ZNF514: variants seen among roughly 807,000 people sequenced by gnomAD.
ZNF514 encodes zinc finger protein 514.
A neutral mutation model predicts 9.7 loss-of-function variants in ZNF514; 12 were observed. That is an observed-to-expected ratio of 1.24 (90% CI 0.79 to 2.01). The LOEUF (loss-of-function observed/expected upper bound fraction) is 2.01. ZNF514 is among the 30% of genes most tolerant of loss of function. The probability of loss-of-function intolerance (pLI) is 0.00; values close to 1 mark genes in which losing one functional copy is unlikely to be tolerated. For missense variants in ZNF514, 467 were observed against 465.5 expected, an observed-to-expected ratio of 1.00 and a Z score of -0.03; for synonymous variants, 158 against 163.7, an observed-to-expected ratio of 0.97 and a Z score of 0.27.
In ZNF514 at chr2:95,148,713, A is replaced by C. The variant is rs1033299475; in HGVS notation, c.*569T>G. 3 of 153,318 alleles carry C rather than the reference A, an allele frequency of 2.0e-5. No homozygotes were observed. Among genetic ancestry groups the C allele is most frequent in the Non-Finnish European group, 2.9e-5 (2 of 68,890 alleles). 9.5% of individuals were successfully genotyped at this position (153,318 alleles called of 1,614,324 possible). A position where few individuals can be genotyped will look rare whatever the true frequency, so the allele number is the denominator to read the frequency against. On this transcript the variant is annotated 3_prime_UTR_variant, in exon 5 of 5. Transcript: ENST00000295208. Reference sequence around the variant, plus strand: ...GAGGTTTGGCTGAAGGCTCTCCCACATTACCCACATTCACAGGTTTTTCTC... The same window carrying C: ...GAGGTTTGGCTGAAGGCTCTCCCACCTTACCCACATTCACAGGTTTTTCTC...
At chr2:95,144,656 A>T (rs1673318182), downstream of ZNF514, among the ~76,000 whole-genome samples, 1 of 152,230 alleles carries the variant, frequency 6.6e-6, no homozygotes, top group Admixed American at 6.5e-5. Flanking sequence ...CATCAAAAAT[A>T]TAGTACTCTC....
chr2:95,157,509 C>T, intron 1 of ZNF514, 70 bp from the exon 2 acceptor site: 2 of 882,760 alleles, frequency 2.3e-6, no homozygotes, highest in Non-Finnish European at 3.2e-6. Flanking sequence ...ACTTCCCAAG[C>T]CTGAGACCCA....
intron 2 of ZNF514, among the ~76,000 whole-genome samples, chr2:95,156,228 C>G (rs1255441377): frequency 1.3e-5 from 2 of 152,216 alleles, no homozygotes; most frequent in African/African-American, 4.8e-5. Flanking sequence ...CCATGCCTAT[C>G]CTGGATGCTG....
chr2:95,132,867 C>CAAA, the ZNF514 span, among the ~76,000 whole-genome samples: 4 of 66,670 alleles, frequency 6.0e-5, no homozygotes, highest in Non-Finnish European at 8.2e-5. Flanking sequence ...GACTCCATCT[C>CAAA]AAAAAAAAAA....
In ZNF514 at chr2:95,149,949, T is replaced by C. The variant is rs1268270878; in HGVS notation, c.536A>G (p.Tyr179Cys). ...CTGCCTGAATTCTGTATCACATTTA[T>C]AAGATCCTTCTCCCATGAGAATGCT... The part of the protein sequence containing the change: ...QHSILMGEGS[Y>C]KCDTEFRQTL... The change falls in exon 5 of 5, where the codon TAT (tyrosine) becomes TGT (cysteine). Residue 179 changes from tyrosine to cysteine, a missense_variant. Coordinates refer to ENST00000295208, the MANE Select transcript of ZNF514 (RefSeq NM_032788.3). 1.2e-6 allele frequency: 2 copies of C among 1,614,252 alleles called. No homozygotes were observed. Among genetic ancestry groups the C allele is most frequent in the Non-Finnish European group, 1.7e-6 (2 of 1,180,044 alleles).
the ZNF514 span, among the ~76,000 whole-genome samples, chr2:95,131,291 A>G: frequency 1.3e-5 from 2 of 152,212 alleles, no homozygotes; most frequent in Non-Finnish European, 2.9e-5. Flanking sequence ...GCAATGCTCT[A>G]TATCAAAGGG....
Position 95,150,221 on chromosome 2 carries a change from T to G in ZNF514, c.264A>C (p.Gly88=). 1 of 1,598,878 alleles carries G rather than the reference T, an allele frequency of 6.3e-7. No homozygotes were observed. The highest frequency in any genetic ancestry group is 8.5e-7 in the Non-Finnish European group (1 of 1,175,946). ...SKSKESMPSW[G]ISKEELFQVV... Reference sequence around the variant, plus strand: ...CCTGGAATAATTCTTCTTTGGAAATTCCCCAACTTGGCATTGATTCCTTGG... The same window carrying G: ...CCTGGAATAATTCTTCTTTGGAAATGCCCCAACTTGGCATTGATTCCTTGG... The change falls in exon 5 of 5, where the codon GGA becomes GGC. Residue 88 remains glycine (G), a synonymous_variant. Transcript: ENST00000295208.
the ZNF514 span, among the ~76,000 whole-genome samples, chr2:95,130,506 C>A: frequency 6.6e-6 from 1 of 152,222 alleles, no homozygotes; most frequent in Admixed American, 6.5e-5. Context: ...TTGACCTCTG[C>A]AATCTCGACC....
At chr2:95,143,698 T>C (rs1262870931), downstream of ZNF514, among the ~76,000 whole-genome samples, 12 of 152,184 alleles carry the variant, frequency 7.9e-5, no homozygotes, top group Admixed American at 6.5e-4. Flanking sequence ...CTCTAGATCA[T>C]TGGAATTTCC....
chr2:95,123,682 G>A, the ZNF514 span, among the ~76,000 whole-genome samples: 4 of 152,158 alleles, frequency 2.6e-5, no homozygotes, highest in African/African-American at 7.2e-5. Flanking sequence ...CTCCAGTTCA[G>A]TTTCATATGT....
Position 95,149,960 on chromosome 2 carries a change from T to C in ZNF514, c.525A>G (p.Gly175=). Reference sequence around the variant, plus strand: ...CTGTATCACATTTATAAGATCCTTCTCCCATGAGAATGCTGTGTTGGTTAA... The same window carrying C: ...CTGTATCACATTTATAAGATCCTTCCCCCATGAGAATGCTGTGTTGGTTAA... ...VLVNQHSILM[G]EGSYKCDTEF... Residue 175 remains glycine (G), a synonymous_variant, in exon 5 of 5, where the codon GGA becomes GGG. Transcript: ENST00000295208. The C allele has an allele frequency of 5.0e-6, 8 of 1,614,244 alleles. No homozygotes were observed. Among genetic ancestry groups the C allele is most frequent in the Non-Finnish European group, 6.8e-6 (8 of 1,180,040 alleles).
At chr2:95,144,957 C>T (rs1673323278), downstream of ZNF514, among the ~76,000 whole-genome samples, 1 of 152,076 alleles carries the variant, frequency 6.6e-6, no homozygotes, top group South Asian at 2.1e-4. Flanking sequence ...TGGAACAGTG[C>T]TAATCTATAT....
rs943690199 is a variant in ZNF514 at position 95,149,901 on chromosome 2, T to C, written c.584A>G (p.Gln195Arg). The change falls in exon 5 of 5, where the codon CAG becomes CGG. Residue 195 changes from glutamine (Q) to arginine (R), a missense_variant. Coordinates refer to ENST00000295208, the MANE Select transcript of ZNF514 (RefSeq NM_032788.3). ...AGATTTCTTTTCTGGGTGGGTTCTC[T>C]GAGAGTTGTTTCCCCCTAAAGTCTG... The part of the protein sequence containing the change: ...FRQTLGGNNS[Q>R]RTHPEKKSCK... The C allele has an allele frequency of 6.8e-6, 11 of 1,614,262 alleles. No individual in the cohort carries two copies. The highest frequency in any genetic ancestry group is 9.3e-6 in the Non-Finnish European group (11 of 1,180,030).
rs1673438448 is a variant in ZNF514 at position 95,148,943 on chromosome 2, G to GT, written c.*338dup. 4 of 246,884 alleles carry GT rather than the reference G, an allele frequency of 1.6e-5. No homozygotes were observed. In the South Asian group the frequency reaches 4.4e-4, roughly 27 times the overall value. The allele number at this position is 246,884 out of a possible 1,614,324, so 15.3% of individuals were successfully genotyped here. On this transcript the variant is annotated 3_prime_UTR_variant, in exon 5 of 5. Coordinates refer to ENST00000295208, the MANE Select transcript of ZNF514 (RefSeq NM_032788.3). ...TCTGATTTTCTTAAAGAATCAGTAT[G>GT]TAACTGAAGGCTTGCCACACTCACT...
In ZNF514 at chr2:95,159,291, G is replaced by A. The variant is rs1673774721; in HGVS notation, c.-147C>T. 2 of 157,162 alleles carry A rather than the reference G, an allele frequency of 1.3e-5. No homozygotes were observed. Among genetic ancestry groups the A allele is most frequent in the Admixed American group, 6.4e-5 (1 of 15,504 alleles). 9.7% of individuals were successfully genotyped at this position (157,162 alleles called of 1,614,324 possible). A position where few individuals can be genotyped will look rare whatever the true frequency, so the allele number is the denominator to read the frequency against. On this transcript the variant is annotated 5_prime_UTR_variant, in exon 1 of 5. Coordinates refer to ENST00000295208, the MANE Select transcript of ZNF514 (RefSeq NM_032788.3). ...AGGCTCTGGAACCCAGCTCCCACGT[G>A]GATCCACACGCACAGTGGGCTCAGA... is the stretch of plus-strand genomic sequence containing the variant.
At chr2:95,128,224 C>T in the ZNF514 span, among the ~76,000 whole-genome samples, 1 of 152,082 alleles carries the variant, frequency 6.6e-6, no homozygotes, top group East Asian at 1.9e-4. Flanking sequence ...GAAACCTCAT[C>T]TCTACTAAAA....
the ZNF514 span, among the ~76,000 whole-genome samples, chr2:95,136,963 C>T: frequency 8.5e-5 from 13 of 152,126 alleles, no homozygotes; most frequent in Admixed American, 1.3e-4. Context: ...GAGTATATGA[C>T]TTTAGGGTAC....
At chr2:95,143,963 G>A (rs998087698), downstream of ZNF514, among the ~76,000 whole-genome samples, 7 of 152,214 alleles carry the variant, frequency 4.6e-5, no homozygotes, top group African/African-American at 1.7e-4. Context: ...TTTACAGTGG[G>A]TGCTTAATTG....
the ZNF514 span, among the ~76,000 whole-genome samples, chr2:95,135,021 G>A: frequency 1.3e-5 from 2 of 152,170 alleles, no homozygotes; most frequent in South Asian, 4.1e-4. Context: ...AAATTAGTAA[G>A]TGTGAGTCCT....
Sources: allele counts gnomAD v4.1 joint callset (sites outside exome capture counted in the v4.1 genomes callset), GRCh38; gene constraint gnomAD v4.1.1; transcripts MANE v1.5; gene names NCBI Gene and HGNC (gene_info 2026-07-23, HGNC 2026-07-21).